HTR2C: variants seen among roughly 807,000 people sequenced by gnomAD.
The protein encoded by HTR2C is 5-hydroxytryptamine receptor 2C.
Under a neutral mutation model 21.0 loss-of-function variants are expected in HTR2C, and 5 were observed. The ratio of observed to expected loss-of-function variants is 0.24; its 90% CI spans 0.12 to 0.50. The LOEUF is 0.50. Among genes scored for constraint, HTR2C ranks in the 20% least tolerant of loss-of-function variants. HTR2C has a pLI of 0.98. For missense variants in HTR2C, 271 were observed against 371.2 expected (o/e 0.73, Z 2.22); for synonymous variants, 150 against 145.3 (o/e 1.03, Z -0.23).
At chrX:114,648,667 G>A (rs147424054) in intron 2 of HTR2C, among the ~76,000 whole-genome samples, 4 of 111,693 alleles carry the variant, frequency 3.6e-5, no homozygotes, top group Non-Finnish European at 7.5e-5. Flanking sequence ...GGTTGAGGCC[G>A]CAGTGAGCCA....
chrX:114,733,118 C>T (rs1452860302), intron 4 of HTR2C, among the ~76,000 whole-genome samples: 3 of 111,345 alleles, frequency 2.7e-5, no homozygotes, highest in African/African-American at 9.8e-5. Context: ...TCTAAAACCA[C>T]CACAGGTGGC....
At chrX:114,849,137 T>C (rs1556468506) in intron 5 of HTR2C, among the ~76,000 whole-genome samples, 1 of 112,186 alleles carries the variant, frequency 8.9e-6, no homozygotes, top group Non-Finnish European at 1.9e-5. Context: ...CATAGACACC[T>C]TTGAATAAAA....
At chrX:114,673,148 G>A (rs781927588) in intron 2 of HTR2C, among the ~76,000 whole-genome samples, 25 of 111,985 alleles carry the variant, frequency 2.2e-4, no homozygotes, top group Admixed American at 2.0e-3. Flanking sequence ...ATAGTTGGCC[G>A]AAAGCAGTAA....
chrX:114,862,596 T>C (rs2071014719), intron 5 of HTR2C, among the ~76,000 whole-genome samples: 2 of 110,947 alleles, frequency 1.8e-5, no homozygotes, highest in Admixed American at 1.9e-4. Flanking sequence ...CAATATTAAT[T>C]CTTTATGTAT....
At chrX:114,897,023 T>C (rs181960630) in intron 5 of HTR2C, among the ~76,000 whole-genome samples, 68 of 111,867 alleles carry the variant, frequency 6.1e-4, no homozygotes, top group African/African-American at 2.1e-3. Context: ...GTATTTTTAT[T>C]TGACCTAGGT....
At chrX:114,850,998 G>A (rs1174895327) in intron 5 of HTR2C, among the ~76,000 whole-genome samples, 1 of 111,475 alleles carries the variant, frequency 9.0e-6, no homozygotes, top group Non-Finnish European at 1.9e-5. Context: ...ATACTCCAGT[G>A]AAAGAAGATT....
chrX:114,758,412 A>G (rs782246906), intron 4 of HTR2C, among the ~76,000 whole-genome samples: 13 of 109,055 alleles, frequency 1.2e-4, no homozygotes, highest in Non-Finnish European at 2.3e-4. Flanking sequence ...AAAAACCAAA[A>G]AAATAGCCAA....
At chrX:114,655,617 C>A (rs1486714899) in intron 2 of HTR2C, among the ~76,000 whole-genome samples, 1 of 111,301 alleles carries the variant, frequency 9.0e-6, no homozygotes, top group Non-Finnish European at 1.9e-5. Context: ...CATGTATCAG[C>A]CCAAAATGTT....
intron 2 of HTR2C, among the ~76,000 whole-genome samples, chrX:114,665,778 G>A (rs1931153766): frequency 9.0e-6 from 1 of 111,193 alleles, no homozygotes; most frequent in African/African-American, 3.3e-5. Context: ...CGCTGTCTCA[G>A]GGGTGGCAGA....
chrX:114,749,512 G>C (rs2069741008), intron 4 of HTR2C, among the ~76,000 whole-genome samples: 1 of 95,026 alleles, frequency 1.1e-5, no homozygotes, highest in South Asian at 5.0e-4. Flanking sequence ...TCTTACAGTA[G>C]AGAGGCTCAA....
chrX:114,843,285 G>A (rs1241197337), intron 4 of HTR2C, among the ~76,000 whole-genome samples: 1 of 111,128 alleles, frequency 9.0e-6, no homozygotes, highest in Non-Finnish European at 1.9e-5. Flanking sequence ...GGATAAAATT[G>A]TAAACAAAAA....
chrX:114,847,002 T>C, intron 4 of HTR2C, among the ~76,000 whole-genome samples: 1 of 111,155 alleles, frequency 9.0e-6, no homozygotes, highest in Non-Finnish European at 1.9e-5. Flanking sequence ...ATGAAAGAAT[T>C]TAAGAAAACA....
chrX:114,818,743 G>A (rs142248370), intron 4 of HTR2C, among the ~76,000 whole-genome samples: 1,604 of 111,477 alleles, frequency 0.014, 24 homozygotes, highest in Middle Eastern at 0.051. Flanking sequence ...TTTAAAGATT[G>A]TCTATGGCTG....
At chrX:114,852,763 T>TTG (rs58478809) in intron 5 of HTR2C, among the ~76,000 whole-genome samples, 4,782 of 102,770 alleles carry the variant, frequency 0.047, 277 homozygotes, top group African/African-American at 0.16. Context: ...CTAAGAATAA[T>TTG]TGTGTGTGTG....
intron 4 of HTR2C, among the ~76,000 whole-genome samples, chrX:114,785,589 G>GA (rs782373427): frequency 9.1e-6 from 1 of 110,366 alleles, no homozygotes; most frequent in East Asian, 2.9e-4. Flanking sequence ...TATCAATATG[G>GA]AAAAAAAATC....
At chrX:114,870,999 C>G (rs2071087666) in intron 5 of HTR2C, among the ~76,000 whole-genome samples, 1 of 110,143 alleles carries the variant, frequency 9.1e-6, no homozygotes, top group Non-Finnish European at 1.9e-5. Context: ...TTTTTTAGTT[C>G]TTTAAGATGC....
At chrX:114,717,495 T>C (rs1192427347) in intron 2 of HTR2C, 1 of 112,242 alleles carries the variant, frequency 8.9e-6, no homozygotes, top group Non-Finnish European at 1.9e-5. Flanking sequence ...TACCTTTTCA[T>C]GGGTGAATCT....
At chrX:114,693,142 G>A (rs1276951747) in intron 2 of HTR2C, among the ~76,000 whole-genome samples, 1 of 111,504 alleles carries the variant, frequency 9.0e-6, no homozygotes, top group African/African-American at 3.3e-5. Flanking sequence ...CAATATATAT[G>A]TCAAACAAAA....
chrX:114,882,132 A>G (rs2071186238), intron 5 of HTR2C, among the ~76,000 whole-genome samples: 2 of 110,648 alleles, frequency 1.8e-5, no homozygotes, highest in African/African-American at 6.5e-5. Context: ...TTACTTTATT[A>G]ATTTAATTTT....
Sources: gnomAD v4.1 joint callset for allele counts (sites outside exome capture counted in the v4.1 genomes callset) on GRCh38, gnomAD v4.1.1 for gene constraint, MANE v1.5 for transcripts, NCBI Gene and HGNC (gene_info 2026-07-23, HGNC 2026-07-21) for gene names.